PDE1C: variants seen among roughly 807,000 people sequenced by gnomAD.
PDE1C encodes the protein phosphodiesterase 1C, also known as dual specificity calcium/calmodulin-dependent 3',5'-cyclic nucleotide phosphodiesterase 1C.
A neutral mutation model predicts 93.1 loss-of-function variants in PDE1C; 62 were observed. The ratio of observed to expected loss-of-function variants is 0.67; its 90% CI spans 0.54 to 0.82. PDE1C has a LOEUF of 0.82. Among genes scored for constraint, PDE1C ranks in the 40% least tolerant of loss-of-function variants. The pLI is 0.00. For missense variants in PDE1C, 742 were observed against 884.6 expected, an observed-to-expected ratio of 0.84 and a Z score of 2.04; for synonymous variants, 325 against 310.1, an observed-to-expected ratio of 1.05 and a Z score of -0.50.
At chr7:32,259,728 C>G (rs1164611676) in intron 1 of PDE1C, among the ~76,000 whole-genome samples, 1 of 152,104 alleles carries the variant, frequency 6.6e-6, no homozygotes, top group Non-Finnish European at 1.5e-5. Context: ...ATTTTTCTAC[C>G]CTATGATGTT....
intron 1 of PDE1C, among the ~76,000 whole-genome samples, chr7:32,298,226 C>T (rs777271100): frequency 6.6e-6 from 1 of 151,916 alleles, no homozygotes; most frequent in Non-Finnish European, 1.5e-5. Flanking sequence ...CTGGATGTTC[C>T]TGCCGCTCTG....
chr7:32,076,964 C>T (rs1563290520), intron 3 of PDE1C, among the ~76,000 whole-genome samples: 1 of 150,220 alleles, frequency 6.7e-6, no homozygotes, highest in Admixed American at 6.6e-5. Context: ...GGGCCGGGCA[C>T]AGTGGCTCAC....
the PDE1C span, among the ~76,000 whole-genome samples, chr7:31,699,828 G>A: frequency 2.0e-5 from 3 of 151,804 alleles, no homozygotes; most frequent in Non-Finnish European, 4.4e-5. Context: ...GGTGATCTGT[G>A]ATCAGTGATG....
intron 3 of PDE1C, among the ~76,000 whole-genome samples, chr7:32,125,051 G>A (rs575303819): frequency 6.6e-6 from 1 of 152,120 alleles, no homozygotes; most frequent in African/African-American, 2.4e-5. Context: ...TCAAAAAGTG[G>A]GCAAATGATA....
At position 31,996,170 on chromosome 7, in the gene PDE1C, C is replaced by T. The variant is rs57765986; in HGVS notation, c.128+55384G>A. On this transcript the variant is annotated intron_variant, in intron 2 of 17. Coordinates refer to ENST00000396191, the MANE Select transcript of PDE1C (RefSeq NM_001191057.4). ...AGAGAGAAGCTGGCAACATAGGTCT[C>T]CCTTGCAACAGAGCTTGGAGGGGCA... Among the ~76,000 whole-genome samples the T allele has an allele frequency of 4.1e-3, 625 of 152,104 alleles. 3 individuals are homozygous for T. The highest frequency in any genetic ancestry group is 0.014 in the African/African-American group (579 of 41,484).
chr7:32,156,755 A>G (rs1392276808), intron 3 of PDE1C, among the ~76,000 whole-genome samples: 1 of 152,240 alleles, frequency 6.6e-6, no homozygotes, highest in African/African-American at 2.4e-5. Context: ...GGGTTAGAAA[A>G]TACCATTGAT....
At chr7:31,976,488 C>A (rs1811687039) in intron 2 of PDE1C, among the ~76,000 whole-genome samples, 1 of 152,134 alleles carries the variant, frequency 6.6e-6, no homozygotes, top group Admixed American at 6.5e-5. Context: ...CTAAGATGAA[C>A]ATCTCTTAAC....
At chr7:32,409,526 G>T (rs1229796917) in intron 1 of PDE1C, among the ~76,000 whole-genome samples, 1 of 151,870 alleles carries the variant, frequency 6.6e-6, no homozygotes, top group East Asian at 1.9e-4. Context: ...TTAAGCAATA[G>T]AATGCAACAG....
chr7:31,801,869 C>CT (rs1239446712), intron 16 of PDE1C, among the ~76,000 whole-genome samples: 1 of 151,082 alleles, frequency 6.6e-6, no homozygotes, highest in Non-Finnish European at 1.5e-5. Context: ...TGTTTGTGTC[C>CT]TTTTTTGATT....
intron 16 of PDE1C, among the ~76,000 whole-genome samples, chr7:31,794,337 A>G (rs547614653): frequency 2.0e-5 from 3 of 152,058 alleles, no homozygotes; most frequent in East Asian, 1.9e-4. Context: ...TTTTGCAGCA[A>G]TCTAATAGTT....
At chr7:32,370,751 C>G (rs1784317999) in intron 1 of PDE1C, among the ~76,000 whole-genome samples, 1 of 151,282 alleles carries the variant, frequency 6.6e-6, no homozygotes, top group Non-Finnish European at 1.5e-5. Context: ...CAAACCTGCA[C>G]GTTGTGCACA....
intron 16 of PDE1C, chr7:31,786,338 T>C (rs1783937259): frequency 6.6e-6 from 1 of 152,076 alleles, no homozygotes; most frequent in Non-Finnish European, 1.5e-5. Flanking sequence ...TAGAGAAGTT[T>C]TTATTTTATT....
At chr7:31,637,230 A>G in the PDE1C span, among the ~76,000 whole-genome samples, 1 of 152,156 alleles carries the variant, frequency 6.6e-6, no homozygotes, top group Non-Finnish European at 1.5e-5. Flanking sequence ...AGCATGATTT[A>G]TAGTCCTTTG....
At position 31,959,719 on chromosome 7, in the gene PDE1C, C is replaced by G. The variant is rs1396747179; in HGVS notation, c.129-78859G>C. On this transcript the variant is annotated intron_variant, in intron 2 of 17. Coordinates refer to ENST00000396191, the MANE Select transcript of PDE1C (RefSeq NM_001191057.4). ...ATAAAGTTTCCAATTGTTTAAAGAA[C>G]TCTGTCCCTATTATGCTTCTTAAGG... Among the ~76,000 whole-genome samples the G allele has an allele frequency of 3.3e-5, 5 of 152,142 alleles. No individual in the cohort carries two copies. The East Asian group carries it at 9.6e-4, about 29-fold the overall frequency.
Position 32,077,497 on chromosome 7 carries a change from A to G in PDE1C, c.308+92288T>C, listed in dbSNP as rs112323534. Among the ~76,000 whole-genome samples the G allele has an allele frequency of 4.5e-4, 68 of 152,346 alleles. 2 individuals carry two copies. The highest frequency in any genetic ancestry group is 1.5e-3 in the African/African-American group (63 of 41,572). On this transcript the variant is annotated intron_variant, in intron 3 of 18. Transcript: ENST00000396193. ...GATAATGACCTATCAAATCATTGCT[A>G]TATTACATACATTAATCCCTCAGAA... is the stretch of plus-strand genomic sequence containing the variant.
At chr7:32,282,705 C>A (rs930897500) in intron 1 of PDE1C, among the ~76,000 whole-genome samples, 1 of 151,204 alleles carries the variant, frequency 6.6e-6, no homozygotes, top group Non-Finnish European at 1.5e-5. Context: ...CTCAGCCTCC[C>A]GAGTAGCTGG....
chr7:32,250,822 A>G (rs371234321), intron 1 of PDE1C, among the ~76,000 whole-genome samples: 12 of 152,324 alleles, frequency 7.9e-5, no homozygotes, highest in African/African-American at 2.9e-4. Flanking sequence ...CTTTTTACTA[A>G]AAGGAAATAC....
chr7:31,989,189 T>C (rs890641620), intron 2 of PDE1C, among the ~76,000 whole-genome samples: 1 of 152,150 alleles, frequency 6.6e-6, no homozygotes, highest in African/African-American at 2.4e-5. Context: ...TTTTGGACTT[T>C]ACTTATATTT....
At chr7:32,220,473 C>T (rs1488930771) in intron 1 of PDE1C, among the ~76,000 whole-genome samples, 1 of 152,164 alleles carries the variant, frequency 6.6e-6, no homozygotes, top group Non-Finnish European at 1.5e-5. Flanking sequence ...CTGTGAGCCC[C>T]TTTCTTCTCT....
Sources: gnomAD v4.1 joint callset for allele counts (sites outside exome capture counted in the v4.1 genomes callset) on GRCh38, gnomAD v4.1.1 for gene constraint, MANE v1.5 for transcripts, NCBI Gene and HGNC (gene_info 2026-07-23, HGNC 2026-07-21) for gene names.